Variants in BMAL1 observed in about 807,000 individuals in gnomAD.
The protein encoded by BMAL1 is basic helix-loop-helix ARNT-like protein 1.
the BMAL1 span, chr11:13,376,436 G>A: frequency 1.6e-6 from 1 of 608,262 alleles, no homozygotes; most frequent in Non-Finnish European, 3.0e-6. Context: ...ATATTAGGAA[G>A]GCCTAGGCAG....
the BMAL1 span, among the ~76,000 whole-genome samples, chr11:13,368,448 GA>G: frequency 6.6e-6 from 1 of 152,236 alleles, no homozygotes; most frequent in Admixed American, 6.5e-5. Flanking sequence ...GGGAAGGGCT[GA>G]ACCATGAAGA....
the BMAL1 span, among the ~76,000 whole-genome samples, chr11:13,343,918 C>T: frequency 6.6e-6 from 1 of 152,148 alleles, no homozygotes; most frequent in African/African-American, 2.4e-5. Flanking sequence ...ACTGATCAAG[C>T]CCCATAGCTC....
the BMAL1 span, among the ~76,000 whole-genome samples, chr11:13,280,796 A>G: frequency 3.9e-5 from 6 of 152,142 alleles, no homozygotes; most frequent in Admixed American, 3.9e-4. Context: ...CCCCCTCAGC[A>G]TCTCTTACTT....
chr11:13,329,954 G>A, the BMAL1 span, among the ~76,000 whole-genome samples: 1 of 152,158 alleles, frequency 6.6e-6, no homozygotes, highest in African/African-American at 2.4e-5. Context: ...TAAAGATGCT[G>A]TTGTGAGTGC....
chr11:13,341,017 C>T, the BMAL1 span, among the ~76,000 whole-genome samples: 3 of 152,194 alleles, frequency 2.0e-5, no homozygotes, highest in Non-Finnish European at 4.4e-5. Context: ...GATTGGAACC[C>T]AAGAGGCCCC....
the BMAL1 span, chr11:13,376,650 C>T: frequency 1.2e-6 from 2 of 1,613,994 alleles, no homozygotes; most frequent in African/African-American, 1.3e-5. Context: ...AGCCAACGTC[C>T]TGGAAGGCGG....
At chr11:13,316,545 T>C in the BMAL1 span, among the ~76,000 whole-genome samples, 6 of 152,134 alleles carry the variant, frequency 3.9e-5, no homozygotes, top group African/African-American at 7.2e-5. Flanking sequence ...AGGGTTGTTA[T>C]GACTTCCCAG....
the BMAL1 span, among the ~76,000 whole-genome samples, chr11:13,301,179 C>A: frequency 6.6e-6 from 1 of 152,210 alleles, no homozygotes; most frequent in Non-Finnish European, 1.5e-5. Context: ...TCATGATCTA[C>A]CTGCCTCGGC....
At chr11:13,371,373 G>A in the BMAL1 span, among the ~76,000 whole-genome samples, 1 of 152,140 alleles carries the variant, frequency 6.6e-6, no homozygotes, top group African/African-American at 2.4e-5. Context: ...CCTTAAGCCT[G>A]ATATTCACAG....
chr11:13,289,549 C>G, the BMAL1 span, among the ~76,000 whole-genome samples: 2 of 152,174 alleles, frequency 1.3e-5, no homozygotes, highest in African/African-American at 4.8e-5. Context: ...CAGCCCCTGA[C>G]AGGCCCCGGA....
the BMAL1 span, among the ~76,000 whole-genome samples, chr11:13,325,683 G>GTGTGTA: frequency 6.6e-6 from 1 of 151,508 alleles, no homozygotes; most frequent in Admixed American, 6.6e-5. Context: ...GTGTGTGTGT[G>GTGTGTA]TGTGTGTGTG....
At chr11:13,380,571 T>C in the BMAL1 span, 1 of 152,350 alleles carries the variant, frequency 6.6e-6, no homozygotes, top group Non-Finnish European at 1.5e-5. Context: ...GACCCATTTT[T>C]CATCAACCAC....
the BMAL1 span, among the ~76,000 whole-genome samples, chr11:13,311,795 A>G: frequency 6.6e-6 from 1 of 152,090 alleles, no homozygotes; most frequent in Non-Finnish European, 1.5e-5. Context: ...CTCTGCCACA[A>G]CTTGCACCAC....
At chr11:13,277,284 G>A in the BMAL1 span, among the ~76,000 whole-genome samples, 1 of 152,220 alleles carries the variant, frequency 6.6e-6, no homozygotes, top group African/African-American at 2.4e-5. Flanking sequence ...GAAGAAGGAG[G>A]AGGGGTGAGG....
At chr11:13,386,610 A>G in the BMAL1 span, 6 of 1,613,146 alleles carry the variant, frequency 3.7e-6, no homozygotes, top group South Asian at 4.4e-5. Context: ...GAACCCCCAC[A>G]TAGGTATAGA....
At chr11:13,296,584 G>A in the BMAL1 span, among the ~76,000 whole-genome samples, 1 of 152,146 alleles carries the variant, frequency 6.6e-6, no homozygotes, top group African/African-American at 2.4e-5. Context: ...CTACATACAC[G>A]CATGTGTGTA....
chr11:13,279,126 T>G, the BMAL1 span, among the ~76,000 whole-genome samples: 111 of 152,346 alleles, frequency 7.3e-4, 2 homozygotes, highest in South Asian at 9.1e-3. Flanking sequence ...CCCGGTCACC[T>G]AGCGTTGTTT....
the BMAL1 span, chr11:13,358,637 G>A: frequency 6.8e-7 from 1 of 1,479,194 alleles, no homozygotes; most frequent in Non-Finnish European, 9.0e-7. Flanking sequence ...GCCCACAAAT[G>A]TTACCACCCT....
the BMAL1 span, among the ~76,000 whole-genome samples, chr11:13,318,166 G>A: frequency 1.3e-5 from 2 of 152,192 alleles, no homozygotes; most frequent in African/African-American, 4.8e-5. Context: ...TAGGAATAGA[G>A]TTTGTAGTCT....
Sources: allele counts gnomAD v4.1 joint callset (sites outside exome capture counted in the v4.1 genomes callset), GRCh38; gene constraint gnomAD v4.1.1; transcripts MANE v1.5; gene names NCBI Gene and HGNC (gene_info 2026-07-23, HGNC 2026-07-21).